Variants in AVEN observed in about 807,000 individuals in gnomAD.
AVEN encodes the protein cell death regulator Aven.
In AVEN, 41 loss-of-function variants were observed where a neutral mutation model predicts 38.1. The ratio of observed to expected loss-of-function variants is 1.08; its 90% confidence interval spans 0.84 to 1.40. AVEN has a LOEUF of 1.40. Among genes scored for constraint, AVEN ranks in the 40% most tolerant of loss-of-function variants. AVEN has a pLI of 0.00. For synonymous variants in AVEN, 206 were observed against 171.8 expected (o/e 1.20, Z -1.56); for missense variants, 605 against 438.8 (o/e 1.38, Z -3.38).
chr15:33,858,888 T>C (rs2080021466), exon 12 of AVEN: 1 of 152,446 alleles, frequency 6.6e-6, no homozygotes. Flanking sequence ...CGAAAAACTC[T>C]CCATGTGCTT....
chr15:33,942,498 T>G (rs1485742111), intron 2 of AVEN, among the ~76,000 whole-genome samples: 3 of 152,236 alleles, frequency 2.0e-5, no homozygotes, highest in South Asian at 2.1e-4. Context: ...TTGCCCAGGC[T>G]GGAGTGCAGT....
chr15:33,897,376 C>T (rs1266142167), intron 2 of AVEN, among the ~76,000 whole-genome samples: 2 of 152,034 alleles, frequency 1.3e-5, no homozygotes, highest in South Asian at 2.1e-4. Flanking sequence ...TGGCTCACTG[C>T]AAGCTCCACC....
intron 2 of AVEN, among the ~76,000 whole-genome samples, chr15:33,933,488 C>T (rs1470887675): frequency 2.7e-5 from 3 of 110,014 alleles, no homozygotes; most frequent in African/African-American, 1.1e-4. Context: ...TGGCCTCCAA[C>T]AATCACACAC....
Position 33,870,939 on chromosome 15 carries a change from A to C in AVEN, c.608T>G (p.Val203Gly), listed in dbSNP as rs753256981. 1 of 1,610,542 alleles carries C rather than the reference A, an allele frequency of 6.2e-7. No homozygotes were observed. The highest frequency in any genetic ancestry group is 8.5e-7 in the Non-Finnish European group (1 of 1,177,798). The change falls in exon 4 of 6, where the codon GTC becomes GGC. Residue 203 changes from valine (V) to glycine (G), a missense_variant. Val to Gly is a moderately radical substitution (Grantham distance 109). Transcript: ENST00000306730. Reference sequence around the variant, plus strand: ...AGAGGGCTTCGGGATTTTTACCTGGACCAGTTCGGCAGCAACGTTGAGTCG... The same window carrying C: ...AGAGGGCTTCGGGATTTTTACCTGGCCCAGTTCGGCAGCAACGTTGAGTCG... ...CLRLNVAAELVQGTVPLEVPQ... is the reference protein window; with the variant it reads ...CLRLNVAAELGQGTVPLEVPQ...
chr15:34,005,921 C>T (rs1172403835), intron 1 of AVEN, among the ~76,000 whole-genome samples: 2 of 152,172 alleles, frequency 1.3e-5, no homozygotes, highest in African/African-American at 4.8e-5. Flanking sequence ...AAAACTAGAG[C>T]ATTCCTGCAA....
chr15:33,860,533 T>TATCA, intron 11 of AVEN: 1 of 984,252 alleles, frequency 1.0e-6, no homozygotes, highest in Middle Eastern at 2.1e-4. Context: ...CTTCTTCCTT[T>TATCA]ATCATTCCTC....
At chr15:33,855,715 C>T (rs1375563296), downstream of AVEN, among the ~76,000 whole-genome samples, 1 of 152,100 alleles carries the variant, frequency 6.6e-6, no homozygotes, top group African/African-American at 2.4e-5. Context: ...ACACATAGTA[C>T]ACATTTTATG....
At chr15:33,859,534 C>G (rs1011162092) in intron 11 of AVEN, 3 of 1,609,954 alleles carry the variant, frequency 1.9e-6, no homozygotes, top group Non-Finnish European at 2.5e-6. Flanking sequence ...AAAAACAGAA[C>G]TGTGACTTTT....
upstream of AVEN, among the ~76,000 whole-genome samples, chr15:34,043,055 G>C (rs1899542006): frequency 3.3e-5 from 5 of 151,958 alleles, no homozygotes; most frequent in Admixed American, 2.0e-4. Context: ...AGACCATCCT[G>C]GCTAACACAG....
chr15:33,889,460 T>C (rs1421971788), intron 2 of AVEN, among the ~76,000 whole-genome samples: 4 of 152,200 alleles, frequency 2.6e-5, no homozygotes, highest in Admixed American at 6.5e-5. Flanking sequence ...TCTAAAATAA[T>C]ATTAGACTAA....
Position 33,867,828 on chromosome 15 carries a change from C to G in AVEN, c.640G>C (p.Val214Leu), listed in dbSNP as rs1890724919. 1.9e-6 allele frequency: 3 copies of G among 1,598,532 alleles called. No individual in the cohort carries two copies. In the African/African-American group the frequency reaches 4.1e-5, roughly 22 times the overall value. ...QGTVPLEVPQ[V>L]KPKRTDDGKG... Reference sequence around the variant, plus strand: ...CCATCATCAGTTCTCTTTGGTTTCACCTGAGGAACCTCTAAAGGAACTGTA... The same window carrying G: ...CCATCATCAGTTCTCTTTGGTTTCAGCTGAGGAACCTCTAAAGGAACTGTA... The change falls in exon 5 of 6, where the codon GTG becomes CTG. Residue 214 changes from valine to leucine, a missense_variant. Physicochemically the swap from Val to Leu is conservative, Grantham distance 32. Coordinates refer to ENST00000306730, the MANE Select transcript of AVEN (RefSeq NM_020371.3).
At chr15:34,046,885 C>G (rs2140816400) in intron 5 of AVEN, 1 of 152,350 alleles carries the variant, frequency 6.6e-6, no homozygotes, top group South Asian at 2.1e-4. Context: ...AGTGATTGTG[C>G]GACCCCACCG....
chr15:33,940,403 T>C (rs537820504), intron 2 of AVEN, among the ~76,000 whole-genome samples: 11 of 152,326 alleles, frequency 7.2e-5, no homozygotes, highest in Admixed American at 2.0e-4. Flanking sequence ...AATACAATAT[T>C]ATGAATTACT....
At chr15:33,910,621 C>T (rs149783546) in intron 2 of AVEN, among the ~76,000 whole-genome samples, 38 of 152,288 alleles carry the variant, frequency 2.5e-4, no homozygotes, top group Middle Eastern at 3.4e-3. Flanking sequence ...GAGAATGCAC[C>T]TCATAAAATG....
intron 2 of AVEN, among the ~76,000 whole-genome samples, chr15:33,891,240 G>GT (rs1220721567): frequency 1.3e-5 from 2 of 152,082 alleles, no homozygotes. Context: ...TTAATGGTTT[G>GT]TTTTTATTAT....
downstream of AVEN, among the ~76,000 whole-genome samples, chr15:33,863,632 C>T (rs959698091): frequency 1.3e-5 from 2 of 152,190 alleles, no homozygotes; most frequent in African/African-American, 2.4e-5. Context: ...ACTACACTGG[C>T]ATTCCCGCAG....
intron 1 of AVEN, among the ~76,000 whole-genome samples, chr15:34,035,945 C>T (rs768957841): frequency 5.9e-5 from 9 of 152,032 alleles, no homozygotes; most frequent in Non-Finnish European, 1.2e-4. Context: ...ACAGATGCAC[C>T]CCGCCATGCT....
intron 2 of AVEN, among the ~76,000 whole-genome samples, chr15:33,965,347 T>C (rs1190760792): frequency 6.6e-6 from 1 of 152,228 alleles, no homozygotes; most frequent in South Asian, 2.1e-4. Flanking sequence ...TCACACTCAA[T>C]TGAGATTATA....
Position 33,888,685 on chromosome 15 carries a change from T to G in AVEN, c.446-12690A>C, listed in dbSNP as rs556259902. On this transcript the variant is annotated intron_variant, in intron 2 of 5. Transcript: ENST00000306730. ...GTTTTATAGTCAATATATTTAATAT[T>G]TATTTATATCCAGTGTGATTAATAT... Among the ~76,000 whole-genome samples, 143 of 142,620 alleles carry G rather than the reference T, an allele frequency of 1.0e-3. 2 individuals carry two copies. The highest frequency in any genetic ancestry group is 3.5e-3 in the Middle Eastern group (1 of 284). The allele number at this position is 142,620 out of a possible 152,430, so 93.6% of individuals were successfully genotyped here. A position where few individuals can be genotyped will look rare whatever the true frequency, so the allele number is the denominator to read the frequency against.
Sources: allele counts gnomAD v4.1 joint callset (sites outside exome capture counted in the v4.1 genomes callset), GRCh38; gene constraint gnomAD v4.1.1; transcripts MANE v1.5; gene names NCBI Gene and HGNC (gene_info 2026-07-23, HGNC 2026-07-21).